CSMD3: variants seen among roughly 807,000 people sequenced by gnomAD.
The protein encoded by CSMD3 is CUB and sushi domain-containing protein 3.
Under a neutral mutation model 435.2 loss-of-function variants are expected in CSMD3, and 177 were observed. The ratio of observed to expected loss-of-function variants is 0.41; its 90% CI spans 0.36 to 0.46. The LOEUF (loss-of-function observed/expected upper bound fraction) is 0.46. CSMD3 is among the 20% of genes least tolerant of loss of function. The pLI is 0.34. For synonymous variants in CSMD3, 1,656 were observed against 1,520.5 expected (o/e 1.09, Z -2.07); for missense variants, 4,265 against 4,504.6 (o/e 0.95, Z 1.52).
intron 27 of CSMD3, among the ~76,000 whole-genome samples, chr8:112,518,755 A>G (rs1164426961): frequency 2.6e-5 from 4 of 151,966 alleles, no homozygotes; most frequent in African/African-American, 7.3e-5. Context: ...CACTGCTATA[A>G]ATAACTACCT....
chr8:113,015,093 A>G (rs929332271), intron 6 of CSMD3, among the ~76,000 whole-genome samples: 27 of 152,074 alleles, frequency 1.8e-4, no homozygotes, highest in African/African-American at 6.5e-4. Flanking sequence ...GTATTTATGT[A>G]AAAACTTCCC....
chr8:112,409,132 T>G, intron 32 of CSMD3, 100 bp from the exon 33 acceptor site: 3 of 1,559,918 alleles, frequency 1.9e-6, no homozygotes, highest in Non-Finnish European at 2.6e-6. Flanking sequence ...GAGAACAAAG[T>G]ATTACAATAT....
intron 1 of CSMD3, among the ~76,000 whole-genome samples, chr8:113,335,585 A>T (rs1220051093): frequency 1.7e-5 from 1 of 58,910 alleles, no homozygotes. Context: ...GAAACCTTAG[A>T]TTGTTCCTTT....
intron 5 of CSMD3, among the ~76,000 whole-genome samples, chr8:113,055,933 G>C (rs1680107377): frequency 6.6e-6 from 1 of 152,136 alleles, no homozygotes; most frequent in African/African-American, 2.4e-5. Context: ...TGAGAAGCTG[G>C]CATAAAAACT....
rs2077693002 is a variant in CSMD3 at position 112,756,129 on chromosome 8, G to GT, written c.1972+44032dup. Among the ~76,000 whole-genome samples the GT allele has an allele frequency of 3.9e-5, 6 of 152,186 alleles. No individual in the cohort carries two copies. The South Asian group carries it at 1.2e-3, about 32-fold the overall frequency. ...TCTGAGTGGGCTATTAGGTATAATCGTGAGGGCTGCCACTTCCATTTTAAC... is the reference window on the plus strand; with the variant it reads ...TCTGAGTGGGCTATTAGGTATAATCGTTGAGGGCTGCCACTTCCATTTTAAC... On this transcript the variant is annotated intron_variant, in intron 13 of 70. Coordinates refer to ENST00000297405, the MANE Select transcript of CSMD3 (RefSeq NM_198123.2).
In CSMD3 at chr8:112,849,068, T is replaced by A. The variant is rs2129688748; in HGVS notation, c.1755+10077A>T. On this transcript the variant is annotated intron_variant, in intron 11 of 70. Coordinates refer to ENST00000297405, the MANE Select transcript of CSMD3 (RefSeq NM_198123.2). ...CAACATTTTTTAAAGCCATAATCAA[T>A]ACTTATTCTTTTGATGACATATTTT... Among the ~76,000 whole-genome samples the A allele has an allele frequency of 2.0e-5, 3 of 152,260 alleles. No homozygotes were observed. The Middle Eastern group carries it at 0.01, about 518-fold the overall frequency.
intron 2 of CSMD3, chr8:113,311,150 A>C (rs1257133086): frequency 6.6e-6 from 1 of 152,076 alleles, no homozygotes; most frequent in East Asian, 1.9e-4. Context: ...TTAATGTAAA[A>C]TAAACAAGGC....
chr8:113,044,672 A>T (rs1177163060), intron 5 of CSMD3, among the ~76,000 whole-genome samples: 8 of 149,302 alleles, frequency 5.4e-5, no homozygotes, highest in African/African-American at 1.7e-4. Flanking sequence ...TATAACTGTG[A>T]ATATATCAAC....
intron 6 of CSMD3, among the ~76,000 whole-genome samples, chr8:113,008,570 AT>A (rs1365598926): frequency 6.6e-6 from 1 of 151,674 alleles, no homozygotes; most frequent in Non-Finnish European, 1.5e-5. Context: ...CTTAATTTTA[AT>A]TTAGAAACAG....
chr8:113,040,634 G>T (rs2087566067), intron 5 of CSMD3, among the ~76,000 whole-genome samples: 2 of 152,142 alleles, frequency 1.3e-5, no homozygotes, highest in African/African-American at 4.8e-5. Flanking sequence ...GAGAGATGGA[G>T]AATCCTTGAT....
chr8:113,396,954 C>T (rs767353174), intron 1 of CSMD3, among the ~76,000 whole-genome samples: 1 of 152,002 alleles, frequency 6.6e-6, no homozygotes, highest in Non-Finnish European at 1.5e-5. Flanking sequence ...TAGAACAGTA[C>T]CTGACACATA....
At chr8:112,908,785 T>C (rs1333309618) in intron 10 of CSMD3, among the ~76,000 whole-genome samples, 2 of 151,602 alleles carry the variant, frequency 1.3e-5, no homozygotes, top group East Asian at 1.9e-4. Flanking sequence ...TTAATAAAGA[T>C]TTCACAAAAG....
chr8:112,516,128 G>T (rs1823646112), intron 28 of CSMD3, among the ~76,000 whole-genome samples: 1 of 152,016 alleles, frequency 6.6e-6, no homozygotes, highest in Admixed American at 6.6e-5. Flanking sequence ...TATGGGTTAG[G>T]TGTAAGTGAA....
chr8:113,306,271 T>C (rs1279965030), intron 2 of CSMD3, among the ~76,000 whole-genome samples: 3 of 152,272 alleles, frequency 2.0e-5, no homozygotes, highest in East Asian at 1.9e-4. Context: ...TGTTTTATTA[T>C]ATAAGAGAGA....
In CSMD3 at chr8:113,176,610, A is replaced by G. The variant is rs939122203; in HGVS notation, c.515-2694T>C. ...GTTTTAGAAATTGCTAAGATAGACT[A>G]GATTTTAGATAATGTTTCTGCCAGC... On this transcript the variant is annotated intron_variant, in intron 3 of 70. Coordinates refer to ENST00000297405, the MANE Select transcript of CSMD3 (RefSeq NM_198123.2). 5.3e-5 allele frequency among the ~76,000 whole-genome samples: 8 copies of G among 152,264 alleles called. 1 individual carries two copies. Among genetic ancestry groups the G allele is most frequent in the Middle Eastern group, 6.8e-3 (2 of 294 alleles).
At chr8:113,217,877 T>A (rs1398212417) in intron 3 of CSMD3, among the ~76,000 whole-genome samples, 1 of 149,928 alleles carries the variant, frequency 6.7e-6, no homozygotes, top group Admixed American at 6.7e-5. Context: ...AAACCTCCAA[T>A]AGGATGAAAA....
chr8:112,468,363 CA>C (rs1282238830), intron 32 of CSMD3, among the ~76,000 whole-genome samples: 1 of 148,914 alleles, frequency 6.7e-6, no homozygotes, highest in South Asian at 2.1e-4. Flanking sequence ...AGAAAATAAA[CA>C]AAAACCAAAC....
At chr8:113,078,564 T>C (rs76750962) in intron 5 of CSMD3, among the ~76,000 whole-genome samples, 4,270 of 152,284 alleles carry the variant, frequency 0.028, 83 homozygotes, top group Admixed American at 0.041. Context: ...ATGACTTTAT[T>C]TGGACTTATC....
chr8:113,278,812 A>G lies in CSMD3; in HGVS notation c.402-108T>C, dbSNP rs941935299. The G allele has an allele frequency of 1.1e-5, 7 of 663,672 alleles. No individual in the cohort carries two copies. In the African/African-American group the frequency reaches 1.3e-4, roughly 12 times the overall value. 41.1% of individuals were successfully genotyped at this position (663,672 alleles called of 1,614,324 possible). A position where few individuals can be genotyped will look rare whatever the true frequency, so the allele number is the denominator to read the frequency against. ...AAAATAATAAAACAGATTTTCTCCTATAATTTCCAGAAGGAATGCTATCCA... is the reference window on the plus strand; with the variant it reads ...AAAATAATAAAACAGATTTTCTCCTGTAATTTCCAGAAGGAATGCTATCCA... On this transcript the variant is annotated intron_variant, in intron 2 of 70. Transcript: ENST00000297405.
Sources: allele counts gnomAD v4.1 joint callset (sites outside exome capture counted in the v4.1 genomes callset), GRCh38; gene constraint gnomAD v4.1.1; transcripts MANE v1.5; gene names NCBI Gene and HGNC (gene_info 2026-07-23, HGNC 2026-07-21).